The following MAP4 variants were observed in gnomAD, a reference collection of about 807,000 sequenced individuals.
The protein encoded by MAP4 is microtubule associated protein 4, also known as microtubule-associated protein 4.
In MAP4, 76 loss-of-function variants were observed where a neutral mutation model predicts 170.2. The ratio of observed to expected loss-of-function variants is 0.45; its 90% CI spans 0.37 to 0.54. The LOEUF (loss-of-function observed/expected upper bound fraction) is 0.54, where lower values mean the gene tolerates loss of function less well. Ranked by LOEUF, MAP4 falls within the 20% of genes least tolerant of loss-of-function variation. The probability of loss-of-function intolerance (pLI) is 0.00; values close to 1 mark genes in which losing one functional copy is unlikely to be tolerated. For missense variants in MAP4, 2,506 were observed against 2,748.0 expected (o/e 0.91, Z 1.97); for synonymous variants, 909 against 994.5 (o/e 0.91, Z 1.62).
chr3:47,906,962 A>C (rs1488903150), intron 9 of MAP4, among the ~76,000 whole-genome samples: 4 of 151,698 alleles, frequency 2.6e-5, no homozygotes, highest in Admixed American at 2.6e-4. Flanking sequence ...CATCCTCCCA[A>C]GTAGCTGGGA....
intron 3 of MAP4, among the ~76,000 whole-genome samples, chr3:47,943,341 G>A (rs1448391454): frequency 1.3e-5 from 2 of 152,172 alleles, no homozygotes; most frequent in African/African-American, 4.8e-5. Context: ...GCCAGATGCG[G>A]TGGCTCATGC....
intron 3 of MAP4, among the ~76,000 whole-genome samples, chr3:47,936,207 G>A (rs1201565160): frequency 6.6e-6 from 1 of 151,952 alleles, no homozygotes; most frequent in Non-Finnish European, 1.5e-5. Flanking sequence ...GGCTGAGGTG[G>A]TGGATCACTT....
At chr3:47,996,737 GAC>G (rs57673370) in intron 2 of MAP4, among the ~76,000 whole-genome samples, 5,399 of 146,396 alleles carry the variant, frequency 0.037, 157 homozygotes, top group East Asian at 0.056. Flanking sequence ...CAAAAACTAA[GAC>G]ACACACACAC....
intron 1 of MAP4, among the ~76,000 whole-genome samples, chr3:48,035,839 CTGAGGCA>C (rs1398796751): frequency 2.0e-5 from 3 of 152,036 alleles, no homozygotes; most frequent in Non-Finnish European, 4.4e-5. Context: ...ACTCGGGAGG[CTGAGGCA>C]TGAGAATTGC....
At chr3:47,984,215 A>T (rs2100087197) in intron 2 of MAP4, among the ~76,000 whole-genome samples, 1 of 151,166 alleles carries the variant, frequency 6.6e-6, no homozygotes, top group African/African-American at 2.4e-5. Flanking sequence ...TGGGGCTGGT[A>T]TCAAACTCCT....
At chr3:47,960,967 G>T in intron 3 of MAP4, 1 of 161,604 alleles carries the variant, frequency 6.2e-6, no homozygotes. Context: ...TCATAGAGGA[G>T]ATGGTGTTTT....
At chr3:48,009,580 T>C (rs2100104177) in intron 1 of MAP4, among the ~76,000 whole-genome samples, 2 of 152,336 alleles carry the variant, frequency 1.3e-5, no homozygotes, top group East Asian at 1.9e-4. Flanking sequence ...GAATGGCCTA[T>C]TGAAGTCACA....
At chr3:48,052,168 G>A (rs996360510) in intron 1 of MAP4, among the ~76,000 whole-genome samples, 1 of 152,186 alleles carries the variant, frequency 6.6e-6, no homozygotes, top group Admixed American at 6.5e-5. Context: ...AGTTGTGAGT[G>A]CAGGGAAATG....
At chr3:47,858,725 C>A (rs895778222) in intron 17 of MAP4, among the ~76,000 whole-genome samples, 3 of 151,996 alleles carry the variant, frequency 2.0e-5, no homozygotes, top group Non-Finnish European at 4.4e-5. Flanking sequence ...AATCCCAGCA[C>A]TTTGGGAGGC....
Position 47,911,286 on chromosome 3 carries a change from A to G in MAP4, c.3135T>C (p.Pro1045=). The G allele has an allele frequency of 1.3e-6, 2 of 1,536,130 alleles. No individual in the cohort carries two copies. Among genetic ancestry groups the G allele is most frequent in the Non-Finnish European group, 8.7e-7 (1 of 1,146,904 alleles). The part of the protein sequence containing the change: ...QLQGQVLVQV[P]GVENEPFKRM... Reference sequence around the variant, plus strand: ...TCTTAAATGGTTCATTCTCTACCCCAGGGACCTGTACCAACACTTGGCCCT... The same window carrying G: ...TCTTAAATGGTTCATTCTCTACCCCGGGGACCTGTACCAACACTTGGCCCT... The change falls in exon 9 of 21, where the codon CCT becomes CCC. Residue 1045 remains proline, a synonymous_variant. Coordinates refer to ENST00000683076, the MANE Select transcript of MAP4 (RefSeq NM_001385682.1). This position sits in a 1 kb window ranked among gnomAD's most constrained non-coding sequence, Gnocchi z 4.0.
At chr3:47,942,107 C>A (rs759270657) in intron 3 of MAP4, among the ~76,000 whole-genome samples, 4 of 152,152 alleles carry the variant, frequency 2.6e-5, no homozygotes, top group Admixed American at 6.6e-5. Context: ...TCTTCCCTCT[C>A]CCCATTCCCT....
At chr3:47,961,656 C>A (rs55808934) in intron 3 of MAP4, among the ~76,000 whole-genome samples, 2,993 of 152,252 alleles carry the variant, frequency 0.02, 101 homozygotes, top group African/African-American at 0.069. Context: ...CATGATGACA[C>A]TAAGCTTAGT....
rs1250911523 is a variant in MAP4 at position 47,851,440 on chromosome 3, T to C, written c.*1494A>G. 1 of 152,026 alleles carries C rather than the reference T, an allele frequency of 6.6e-6. No homozygotes were observed. The highest frequency in any genetic ancestry group is 1.5e-5 in the Non-Finnish European group (1 of 68,000). 9.4% of individuals were successfully genotyped at this position (152,026 alleles called of 1,614,324 possible). ...TGCCAGGACCAGAGAAGGGCAGAGGTCAGGAGGGGGCATGAGGAGGCCAAG... is the reference window on the plus strand; with the variant it reads ...TGCCAGGACCAGAGAAGGGCAGAGGCCAGGAGGGGGCATGAGGAGGCCAAG... On this transcript the variant is annotated 3_prime_UTR_variant, in exon 21 of 21. Coordinates refer to ENST00000683076, the MANE Select transcript of MAP4 (RefSeq NM_001385682.1).
At chr3:47,901,444 G>A (rs1357670282) in intron 10 of MAP4, among the ~76,000 whole-genome samples, 1 of 152,172 alleles carries the variant, frequency 6.6e-6, no homozygotes, top group Non-Finnish European at 1.5e-5. Context: ...AGGAGGCCGA[G>A]GTGGACGGAT....
chr3:48,000,402 G>A (rs890256999), intron 1 of MAP4, among the ~76,000 whole-genome samples: 2 of 152,114 alleles, frequency 1.3e-5, no homozygotes, highest in African/African-American at 4.8e-5. Flanking sequence ...TTGTTGACAA[G>A]GTAAATACAA....
chr3:48,026,400 G>T (rs1250551267), intron 1 of MAP4, among the ~76,000 whole-genome samples: 1 of 152,184 alleles, frequency 6.6e-6, no homozygotes, highest in South Asian at 2.1e-4. Flanking sequence ...CAGCAATTTA[G>T]ATTGGCCTTC....
At chr3:47,951,831 C>T (rs1287080444) in intron 3 of MAP4, among the ~76,000 whole-genome samples, 1 of 149,708 alleles carries the variant, frequency 6.7e-6, no homozygotes, top group East Asian at 2.0e-4. Context: ...ATGTGAGGAG[C>T]CCCTCTGCCT....
chr3:48,080,539 G>A (rs1192375402), intron 1 of MAP4, among the ~76,000 whole-genome samples: 1 of 152,180 alleles, frequency 6.6e-6, no homozygotes, highest in African/African-American at 2.4e-5. Context: ...ATCAAGTATA[G>A]CACTGGGAGT....
intron 1 of MAP4, among the ~76,000 whole-genome samples, chr3:48,076,209 C>G (rs2100143798): frequency 6.6e-6 from 1 of 150,784 alleles, no homozygotes; most frequent in Non-Finnish European, 1.5e-5. Flanking sequence ...AGTAAGACCA[C>G]ATCTCAGCCG....
Sources: allele counts gnomAD v4.1 joint callset (sites outside exome capture counted in the v4.1 genomes callset), GRCh38; gene constraint gnomAD v4.1.1; non-coding constraint Gnocchi (gnomAD v3.1); transcripts MANE v1.5; gene names NCBI Gene and HGNC (gene_info 2026-07-23, HGNC 2026-07-21).